Variants in GRB2 observed in about 807,000 individuals in gnomAD.
GRB2 encodes the protein growth factor receptor-bound protein 2.
In GRB2, 2 loss-of-function variants were observed where a neutral mutation model predicts 27.4. That is an observed-to-expected ratio of 0.07 (90% confidence interval 0.03 to 0.23). GRB2 has a LOEUF of 0.23. GRB2 is among the 10% of genes least tolerant of loss of function. GRB2 has a pLI of 1.00. For synonymous variants in GRB2, 94 were observed against 99.6 expected (o/e 0.94, Z 0.33); for missense variants, 102 against 282.4 (o/e 0.36, Z 4.58).
intron 1 of GRB2, chr17:75,405,013 A>G (rs2079089965): frequency 6.6e-6 from 1 of 152,052 alleles, no homozygotes; most frequent in Non-Finnish European, 1.5e-5. Flanking sequence ...CCAGCAGCAA[A>G]CGTTCCACCC....
chr17:75,396,251 C>CT (rs988749579), intron 1 of GRB2, among the ~76,000 whole-genome samples: 72 of 149,890 alleles, frequency 4.8e-4, no homozygotes, highest in Middle Eastern at 7.1e-3. Flanking sequence ...TTTCTTTTCT[C>CT]TTTTTTTTTG....
intron 2 of GRB2, among the ~76,000 whole-genome samples, chr17:75,356,772 G>A (rs541716117): frequency 1.3e-5 from 2 of 152,310 alleles, no homozygotes; most frequent in East Asian, 3.9e-4. Context: ...CAAAACAGAA[G>A]TGATCATTTC....
At position 75,387,152 on chromosome 17, in the gene GRB2, G is replaced by A. The variant is rs902687045; in HGVS notation, c.78+6399C>T. ...CTCCATCCAGCCTGAGGGACAGAGCGAGACTCCATCTCAAAAAAAAAAAGA... is the reference window on the plus strand; with the variant it reads ...CTCCATCCAGCCTGAGGGACAGAGCAAGACTCCATCTCAAAAAAAAAAAGA... On this transcript the variant is annotated intron_variant, in intron 2 of 5. Transcript: ENST00000316804. 3.3e-5 allele frequency among the ~76,000 whole-genome samples: 5 copies of A among 151,030 alleles called. No individual in the cohort carries two copies. In the East Asian group the frequency reaches 5.9e-4, roughly 18 times the overall value.
chr17:75,328,940 A>AAAAAAAATAAAT (rs2078520010), intron 3 of GRB2, among the ~76,000 whole-genome samples: 2 of 147,020 alleles, frequency 1.4e-5, no homozygotes, highest in African/African-American at 5.0e-5. Flanking sequence ...TCGCTTTCAA[A>AAAAAAAATAAAT]AAATAAATAA....
At chr17:75,396,906 T>C (rs1346370350) in intron 1 of GRB2, among the ~76,000 whole-genome samples, 2 of 152,212 alleles carry the variant, frequency 1.3e-5, no homozygotes, top group Non-Finnish European at 2.9e-5. Context: ...AGGTGCTATG[T>C]AGTACGACCA....
intron 2 of GRB2, among the ~76,000 whole-genome samples, chr17:75,383,486 G>A (rs2078942964): frequency 1.3e-5 from 2 of 152,086 alleles, no homozygotes; most frequent in Non-Finnish European, 2.9e-5. Flanking sequence ...GCTGTGTACT[G>A]AATAGCATTA....
At chr17:75,350,482 CA>C (rs2078683763) in intron 2 of GRB2, among the ~76,000 whole-genome samples, 1 of 152,046 alleles carries the variant, frequency 6.6e-6, no homozygotes, top group East Asian at 1.9e-4. Context: ...TGGGCGGTAA[CA>C]TTTATTTATT....
At chr17:75,390,794 G>A (rs528992816) in intron 2 of GRB2, among the ~76,000 whole-genome samples, 1 of 152,258 alleles carries the variant, frequency 6.6e-6, no homozygotes, top group South Asian at 2.1e-4. Flanking sequence ...ATAGACAGAG[G>A]ATGAAGGCTA....
At chr17:75,333,943 G>C (rs1408041048) in intron 2 of GRB2, among the ~76,000 whole-genome samples, 1 of 152,140 alleles carries the variant, frequency 6.6e-6, no homozygotes, top group Non-Finnish European at 1.5e-5. Flanking sequence ...TATTTCCAAT[G>C]ACCGTTCTCT....
chr17:75,338,972 G>A (rs890628764), intron 2 of GRB2: 3 of 1,198,232 alleles, frequency 2.5e-6, no homozygotes, highest in Admixed American at 3.4e-5. Flanking sequence ...AGTGGCTATG[G>A]TGGGCAGACT....
intron 1 of GRB2, among the ~76,000 whole-genome samples, chr17:75,402,185 A>G (rs1287373181): frequency 6.6e-6 from 1 of 152,204 alleles, no homozygotes; most frequent in Non-Finnish European, 1.5e-5. Context: ...TAATTTACTG[A>G]CTATGGTACT....
Position 75,395,708 on chromosome 17 carries a change from T to C in GRB2, c.-137-1943A>G, listed in dbSNP as rs369701489. Among the ~76,000 whole-genome samples, 98 of 152,340 alleles carry C rather than the reference T, an allele frequency of 6.4e-4. 1 individual carries two copies. Among genetic ancestry groups the C allele is most frequent in the Admixed American group, 1.4e-3 (21 of 15,292 alleles). ...TTTATTCCAGCCATTATCTATTGCC[T>C]GAAAGGTGAAGATTTAGTTTCCCCC... On this transcript the variant is annotated intron_variant, in intron 1 of 5. Coordinates refer to ENST00000316804, the MANE Select transcript of GRB2 (RefSeq NM_002086.5).
At chr17:75,372,957 T>C (rs971352187) in intron 2 of GRB2, 13 of 152,314 alleles carry the variant, frequency 8.5e-5, no homozygotes, top group African/African-American at 2.6e-4. Context: ...GAACAGATAT[T>C]TGGCTGGGCG....
chr17:75,324,249 G>A (rs937826080), intron 4 of GRB2, among the ~76,000 whole-genome samples: 2 of 151,752 alleles, frequency 1.3e-5, no homozygotes, highest in Non-Finnish European at 2.9e-5. Flanking sequence ...ACTCAGGCTG[G>A]AGTGTAGTGG....
rs145695294 is a variant in GRB2 at position 75,344,643 on chromosome 17, C to T, written c.79-11846G>A. ...CTGAGTTCAAGTGATCTGCCCGCCT[C>T]GGCCTCCCAAAGTGCCAGGATTTAC... On this transcript the variant is annotated intron_variant, in intron 2 of 5. Coordinates refer to ENST00000316804, the MANE Select transcript of GRB2 (RefSeq NM_002086.5). Among the ~76,000 whole-genome samples the T allele has an allele frequency of 8.7e-3, 1,323 of 152,138 alleles. 17 individuals carry two copies. Among genetic ancestry groups the T allele is most frequent in the African/African-American group, 0.03 (1,246 of 41,488 alleles).
intron 2 of GRB2, among the ~76,000 whole-genome samples, chr17:75,356,843 C>T (rs899881774): frequency 6.6e-6 from 1 of 152,202 alleles, no homozygotes; most frequent in African/African-American, 2.4e-5. Context: ...TTTCTTCCTA[C>T]GTAACTGGCC....
intron 2 of GRB2, among the ~76,000 whole-genome samples, chr17:75,341,278 A>G (rs1451767035): frequency 6.6e-6 from 1 of 151,620 alleles, no homozygotes; most frequent in East Asian, 1.9e-4. Flanking sequence ...CTAAAAATAT[A>G]AAAAATTAGC....
intron 2 of GRB2, among the ~76,000 whole-genome samples, chr17:75,360,767 T>C (rs61417295): frequency 0.22 from 32,769 of 152,114 alleles, 5,526 homozygotes; most frequent in African/African-American, 0.47. Context: ...TATGATGCTA[T>C]GTTCTTTTTC....
intron 2 of GRB2, among the ~76,000 whole-genome samples, chr17:75,357,783 T>C (rs1198590758): frequency 6.6e-6 from 1 of 152,088 alleles, no homozygotes; most frequent in Non-Finnish European, 1.5e-5. Context: ...TAGCTGGGCG[T>C]GGTGGCAGGC....
Sources: allele counts gnomAD v4.1 joint callset (sites outside exome capture counted in the v4.1 genomes callset), GRCh38; gene constraint gnomAD v4.1.1; transcripts MANE v1.5; gene names NCBI Gene and HGNC (gene_info 2026-07-23, HGNC 2026-07-21).